The following SLC35F3 variants were observed in gnomAD, a reference collection of about 807,000 sequenced individuals.
SLC35F3 encodes solute carrier family 35 member F3.
A neutral mutation model predicts 49.9 loss-of-function variants in SLC35F3; 25 were observed. The observed-to-expected ratio is 0.50, with a 90% CI of 0.37 to 0.70. The LOEUF (loss-of-function observed/expected upper bound fraction) is 0.70, where lower values mean the gene tolerates loss of function less well. SLC35F3 is among the 30% of genes least tolerant of loss of function. SLC35F3 has a pLI of 0.00. For missense variants in SLC35F3, 525 were observed against 639.8 expected (o/e 0.82, Z 1.94); for synonymous variants, 275 against 265.4 (o/e 1.04, Z -0.35).
At chr1:234,261,725 G>T (rs753949779) in intron 3 of SLC35F3, 8 of 152,116 alleles carry the variant, frequency 5.3e-5, no homozygotes, top group South Asian at 2.1e-4. Context: ...ATTCAAAATG[G>T]AGTCACTCTT....
intron 3 of SLC35F3, among the ~76,000 whole-genome samples, chr1:234,286,398 G>A (rs1668420276): frequency 6.6e-6 from 1 of 152,236 alleles, no homozygotes; most frequent in African/African-American, 2.4e-5. Flanking sequence ...TGGGGCCAGG[G>A]GCGGGGGCGG....
chr1:234,107,706 T>G (rs934920170), intron 2 of SLC35F3, among the ~76,000 whole-genome samples: 2 of 152,192 alleles, frequency 1.3e-5, no homozygotes, highest in Non-Finnish European at 2.9e-5. Flanking sequence ...ATCTACATTC[T>G]CTGAGCCTTG....
At chr1:234,191,104 CA>C (rs568003803) in intron 2 of SLC35F3, among the ~76,000 whole-genome samples, 222 of 152,286 alleles carry the variant, frequency 1.5e-3, no homozygotes, top group African/African-American at 5.0e-3. Flanking sequence ...TTATTGCTAA[CA>C]GGCTTCAATT....
intron 2 of SLC35F3, among the ~76,000 whole-genome samples, chr1:233,927,668 A>G (rs143222738): frequency 2.8e-4 from 42 of 152,232 alleles, no homozygotes; most frequent in Non-Finnish European, 5.1e-4. Flanking sequence ...ATACATATGG[A>G]CACAGAAAAT....
chr1:234,045,808 C>T (rs368710759), intron 2 of SLC35F3, among the ~76,000 whole-genome samples: 4 of 151,764 alleles, frequency 2.6e-5, no homozygotes, highest in African/African-American at 9.7e-5. Flanking sequence ...TTTATCATTT[C>T]CATGCATATT....
chr1:234,081,904 A>ATGTTTTTTTTTTTTTTTTTT (rs1664881958), intron 2 of SLC35F3, among the ~76,000 whole-genome samples: 1 of 39,214 alleles, frequency 2.6e-5, no homozygotes. Context: ...TGCCTGGCTA[A>ATGTTTTTTTTTTTTTTTTTT]TTTTTTTTTT....
chr1:234,265,651 C>T (rs114167615), intron 3 of SLC35F3, among the ~76,000 whole-genome samples: 7,151 of 152,194 alleles, frequency 0.047, 237 homozygotes, highest in South Asian at 0.084. Flanking sequence ...GCCTCCCAAG[C>T]GTTCTCCATT....
In SLC35F3 at chr1:234,310,564, A is replaced by G. The variant is rs192986759; in HGVS notation, c.828+1244A>G. Reference sequence around the variant, plus strand: ...ATGCATCTCTGCAAGAAATGCAGATACTTCTCACAGTGAGCCACCCAGCAG... The same window carrying G: ...ATGCATCTCTGCAAGAAATGCAGATGCTTCTCACAGTGAGCCACCCAGCAG... On this transcript the variant is annotated intron_variant, in intron 4 of 7. Transcript: ENST00000366618. 5.6e-4 allele frequency among the ~76,000 whole-genome samples: 85 copies of G among 152,358 alleles called. 1 individual carries two copies. Among genetic ancestry groups the G allele is most frequent in the Admixed American group, 5.6e-3 (85 of 15,296 alleles).
intron 2 of SLC35F3, among the ~76,000 whole-genome samples, chr1:234,038,053 G>A (rs1394906007): frequency 6.6e-6 from 1 of 151,764 alleles, no homozygotes; most frequent in African/African-American, 2.4e-5. Context: ...ATGTTGGGGT[G>A]CTGCACCCAT....
At chr1:234,157,125 ATC>A (rs1666166486) in intron 2 of SLC35F3, among the ~76,000 whole-genome samples, 1 of 152,230 alleles carries the variant, frequency 6.6e-6, no homozygotes, top group Non-Finnish European at 1.5e-5. Context: ...TGTATCTTAT[ATC>A]TCAATAAAAC....
chr1:234,048,608 CCA>C (rs1664328072), intron 2 of SLC35F3, among the ~76,000 whole-genome samples: 1 of 74,112 alleles, frequency 1.3e-5, no homozygotes, highest in Non-Finnish European at 2.7e-5. Flanking sequence ...AGGGCCACTA[CCA>C]CAGTTTCACT....
At chr1:234,033,886 G>A (rs1196153484) in intron 2 of SLC35F3, among the ~76,000 whole-genome samples, 1 of 152,136 alleles carries the variant, frequency 6.6e-6, no homozygotes, top group African/African-American at 2.4e-5. Flanking sequence ...TTCTAGTTCT[G>A]TGAAGAATGA....
intron 2 of SLC35F3, among the ~76,000 whole-genome samples, chr1:233,915,274 A>C (rs1661948978): frequency 6.6e-6 from 1 of 152,212 alleles, no homozygotes; most frequent in African/African-American, 2.4e-5. Flanking sequence ...CTATCCTCAA[A>C]GTTTTATTCA....
rs569397808 is a variant in SLC35F3, at chr1:234,113,214, T to G, written c.284-118203T>G. 4.6e-5 allele frequency among the ~76,000 whole-genome samples: 7 copies of G among 152,306 alleles called. No individual in the cohort carries two copies. In the South Asian group the frequency reaches 1.5e-3, roughly 32 times the overall value. ...CTCTCCGTCCAACCACAGACTAAATTGCCATAATCATCAAAGTAAGCCCTT... is the reference window on the plus strand; with the variant it reads ...CTCTCCGTCCAACCACAGACTAAATGGCCATAATCATCAAAGTAAGCCCTT... On this transcript the variant is annotated intron_variant, in intron 2 of 7. Transcript: ENST00000366618.
intron 3 of SLC35F3, among the ~76,000 whole-genome samples, chr1:234,250,829 C>T (rs957645386): frequency 6.6e-6 from 1 of 152,092 alleles, no homozygotes; most frequent in Non-Finnish European, 1.5e-5. Context: ...GCACCACACT[C>T]TTTTTAACAA....
At chr1:233,977,037 TGTTAAA>T (rs1045161746) in intron 2 of SLC35F3, among the ~76,000 whole-genome samples, 7 of 152,282 alleles carry the variant, frequency 4.6e-5, no homozygotes, top group South Asian at 2.1e-4. Context: ...AAAGCATCCT[TGTTAAA>T]GTTAAAGAGT....
chr1:234,012,885 AGTATGG>A (rs1262175809), intron 2 of SLC35F3, among the ~76,000 whole-genome samples: 1 of 152,366 alleles, frequency 6.6e-6, no homozygotes, highest in East Asian at 1.9e-4. Flanking sequence ...ATATTATAAT[AGTATGG>A]GACTCTAATA....
chr1:234,234,678 T>C (rs964493975), intron 3 of SLC35F3, among the ~76,000 whole-genome samples: 7 of 152,138 alleles, frequency 4.6e-5, no homozygotes, highest in Non-Finnish European at 8.8e-5. Context: ...AGTGACTCCA[T>C]TGAGCCCCAG....
intron 2 of SLC35F3, among the ~76,000 whole-genome samples, chr1:234,197,451 C>T (rs1373584141): frequency 1.3e-5 from 2 of 152,152 alleles, no homozygotes; most frequent in Admixed American, 6.5e-5. Flanking sequence ...GGAGAGAGTT[C>T]GGTTAAGGAG....
Sources: gnomAD v4.1 joint callset for allele counts (sites outside exome capture counted in the v4.1 genomes callset) on GRCh38, gnomAD v4.1.1 for gene constraint, MANE v1.5 for transcripts, NCBI Gene and HGNC (gene_info 2026-07-23, HGNC 2026-07-21) for gene names.